SCAP: variants seen among roughly 807,000 people sequenced by gnomAD.
SCAP encodes SREBF chaperone.
A neutral mutation model predicts 123.6 loss-of-function variants in SCAP; 65 were observed. That is an observed-to-expected ratio of 0.53 (90% CI 0.43 to 0.65). SCAP has a LOEUF of 0.65. Among genes scored for constraint, SCAP ranks in the 30% least tolerant of loss-of-function variants. SCAP has a pLI of 0.00. For synonymous variants in SCAP, 740 were observed against 726.3 expected (o/e 1.02, Z -0.30); for missense variants, 1,398 against 1,712.5 (o/e 0.82, Z 3.24).
intron 1 of SCAP, among the ~76,000 whole-genome samples, chr3:47,464,013 T>C (rs1707739238): frequency 6.6e-6 from 1 of 152,038 alleles, no homozygotes; most frequent in African/African-American, 2.4e-5. Flanking sequence ...TTTTATTTTA[T>C]TTTTTAATAT....
At chr3:47,443,731 C>A (rs1389441813) in intron 1 of SCAP, among the ~76,000 whole-genome samples, 1 of 152,192 alleles carries the variant, frequency 6.6e-6, no homozygotes, top group Non-Finnish European at 1.5e-5. Context: ...GAGAGCAGCT[C>A]CTGTTCCTGC....
In SCAP at chr3:47,427,140, G is replaced by C. The variant is rs1335641530; in HGVS notation, c.737+17C>G. ...CCCAGCAGACCAGTCAAGAGCCCAG[G>C]GTACTGTCAATCTTACTTGGCATGG... On this transcript the variant is annotated intron_variant, in intron 6 of 22. Coordinates refer to ENST00000265565, the MANE Select transcript of SCAP (RefSeq NM_012235.4). 3 of 1,575,190 alleles carry C rather than the reference G, an allele frequency of 1.9e-6. No homozygotes were observed. The highest frequency in any genetic ancestry group is 2.6e-6 in the Non-Finnish European group (3 of 1,144,632).
At position 47,449,441 on chromosome 3, in the gene SCAP, A is replaced by G; in HGVS notation, c.-98-6350T>C. On this transcript the variant is annotated intron_variant, in intron 1 of 22. Transcript: ENST00000265565. ...AAGAACAAAATCAAGGATTCCCTCCATGCTCCTGGGACCACAGTCCCTTTA... is the reference window on the plus strand; with the variant it reads ...AAGAACAAAATCAAGGATTCCCTCCGTGCTCCTGGGACCACAGTCCCTTTA... 1.6e-5 allele frequency among the ~76,000 whole-genome samples: 2 copies of G among 124,594 alleles called. 1 individual carries two copies. The highest frequency in any genetic ancestry group is 3.5e-5 in the Non-Finnish European group (2 of 56,342). The allele number at this position is 124,594 out of a possible 152,430, so 81.7% of individuals were successfully genotyped here. A position where few individuals can be genotyped will look rare whatever the true frequency, so the allele number is the denominator to read the frequency against.
intron 1 of SCAP, among the ~76,000 whole-genome samples, chr3:47,453,076 G>A (rs1167867868): frequency 6.6e-6 from 1 of 152,080 alleles, no homozygotes; most frequent in Non-Finnish European, 1.5e-5. Context: ...AGCCTGGGCA[G>A]AAGAGCAAGG....
At chr3:47,422,145 G>C (rs1015128862) in intron 10 of SCAP, among the ~76,000 whole-genome samples, 6 of 152,256 alleles carry the variant, frequency 3.9e-5, no homozygotes, top group African/African-American at 1.4e-4. Context: ...GCCTCCTCCT[G>C]CCACTTGGCT....
chr3:47,468,306 C>A (rs1185787035), intron 1 of SCAP, among the ~76,000 whole-genome samples: 1 of 152,174 alleles, frequency 6.6e-6, no homozygotes, highest in African/African-American at 2.4e-5. Flanking sequence ...CTGTCTTCCA[C>A]AATGGTTGAA....
intron 1 of SCAP, among the ~76,000 whole-genome samples, chr3:47,463,243 C>T (rs1385513224): frequency 2.6e-5 from 4 of 152,184 alleles, no homozygotes; most frequent in South Asian, 4.1e-4. Flanking sequence ...AACAGTTTTA[C>T]CTCCAAGTCA....
At chr3:47,472,269 T>A (rs1401273316) in intron 1 of SCAP, among the ~76,000 whole-genome samples, 8 of 150,076 alleles carry the variant, frequency 5.3e-5, no homozygotes, top group Non-Finnish European at 1.2e-4. Flanking sequence ...CCGTCTCTAC[T>A]AAAAATACAA....
Position 47,439,145 on chromosome 3 carries a change from A to G in SCAP, c.122+3727T>C, listed in dbSNP as rs1706703171. 6.6e-6 allele frequency among the ~76,000 whole-genome samples: 1 copy of G among 152,172 alleles called. No individual in the cohort carries two copies. The highest frequency in any genetic ancestry group is 2.1e-4 in the South Asian group (1 of 4,828). On this transcript the variant is annotated intron_variant, in intron 2 of 22. Transcript: ENST00000265565. The surrounding 1 kb of genome is among the most constrained non-coding windows in gnomAD (Gnocchi z 4.0). ...ATGACTAGGCTGAGCAAGGTGGCTT[A>G]TGCCTATAATCCCAGGACTTTGGGA...
At chr3:47,446,528 G>T (rs898310140) in intron 1 of SCAP, among the ~76,000 whole-genome samples, 3 of 151,882 alleles carry the variant, frequency 2.0e-5, no homozygotes, top group African/African-American at 7.3e-5. Flanking sequence ...TGGGGTTTTT[G>T]TATTTTTTTT....
intron 1 of SCAP, among the ~76,000 whole-genome samples, chr3:47,460,389 G>A (rs1576309859): frequency 6.6e-6 from 1 of 152,164 alleles, no homozygotes; most frequent in African/African-American, 2.4e-5. Context: ...TTGAAGTAAA[G>A]ACAGGTGTAA....
In SCAP at chr3:47,420,672, G is replaced by A. The variant is rs764717980; in HGVS notation, c.1445C>T (p.Pro482Leu). The change falls in exon 12 of 23, where the codon CCG becomes CTG. Residue 482 changes from proline to leucine, a missense_variant. Coordinates refer to ENST00000265565, the MANE Select transcript of SCAP (RefSeq NM_012235.4). The surrounding 1 kb of genome is among the most constrained non-coding windows in gnomAD (Gnocchi z 5.0). Reference sequence around the variant, plus strand: ...CAACGTGATGGTGTGGGGTGTGGACGGCCTCACAGCCAGCTGCCGCTCGTA... The same window carrying A: ...CAACGTGATGGTGTGGGGTGTGGACAGCCTCACAGCCAGCTGCCGCTCGTA... ...TRYERQLAVR[P>L]STPHTITLQP... 4 of 1,611,696 alleles carry A rather than the reference G, an allele frequency of 2.5e-6. No homozygotes were observed. The highest frequency in any genetic ancestry group is 2.0e-4 in the Middle Eastern group (1 of 4,904).
At position 47,443,103 on chromosome 3, in the gene SCAP, G is replaced by A; in HGVS notation, c.-98-12C>T. On this transcript the variant is annotated splice_polypyrimidine_tract_variant and intron_variant, in intron 1 of 22. Coordinates refer to ENST00000265565, the MANE Select transcript of SCAP (RefSeq NM_012235.4). The stretch of plus-strand genomic sequence containing the variant: ...ACATGTGCAGGTACCTGGTAAGAAG[G>A]GAGAAAAGCCAGTTAACAAAGAGTA... 1 of 1,540,404 alleles carries A rather than the reference G, an allele frequency of 6.5e-7. No individual in the cohort carries two copies. The highest frequency in any genetic ancestry group is 8.8e-7 in the Non-Finnish European group (1 of 1,142,332).
At chr3:47,446,201 T>C (rs1161038048) in intron 1 of SCAP, among the ~76,000 whole-genome samples, 5 of 134,316 alleles carry the variant, frequency 3.7e-5, no homozygotes, top group Non-Finnish European at 7.9e-5. Context: ...TGAGATGGAG[T>C]CTCGCTCTGT....
intron 10 of SCAP, 149 bp downstream of exon 10, chr3:47,422,293 G>A (rs1190887943): frequency 1.9e-5 from 13 of 673,538 alleles, no homozygotes; most frequent in Non-Finnish European, 3.1e-5. Context: ...TCTGGGTGCT[G>A]TAGTGATCTG....
intron 1 of SCAP, among the ~76,000 whole-genome samples, chr3:47,458,487 C>A (rs190878097): frequency 5.8e-4 from 88 of 152,200 alleles, no homozygotes; most frequent in Non-Finnish European, 9.7e-4. Context: ...AGTTAATGAA[C>A]GAAAGCTGAT....
chr3:47,443,154 G>A lies in SCAP; in HGVS notation c.-98-63C>T, dbSNP rs571173882. 126 of 1,293,214 alleles carry A rather than the reference G, an allele frequency of 9.7e-5. No individual in the cohort carries two copies. The African/African-American group carries it at 1.7e-3, about 17-fold the overall frequency. The allele number at this position is 1,293,214 out of a possible 1,614,324, so 80.1% of individuals were successfully genotyped here. A position where few individuals can be genotyped will look rare whatever the true frequency, so the allele number is the denominator to read the frequency against. ...CTTGGCTCTGCACACTAGGGCTGCT[G>A]GAGGGAGGCGATAGTTATGTGGCTG... is the stretch of plus-strand genomic sequence containing the variant. On this transcript the variant is annotated intron_variant, in intron 1 of 22. Transcript: ENST00000265565.
intron 14 of SCAP, 42 bp downstream of exon 14, chr3:47,418,613 T>G: frequency 4.0e-6 from 3 of 749,120 alleles, no homozygotes; most frequent in Non-Finnish European, 5.3e-6. Context: ...CCCGTCCCCC[T>G]CCCCGCACTC....
intron 1 of SCAP, chr3:47,469,784 T>C: frequency 3.7e-6 from 2 of 534,200 alleles, no homozygotes; most frequent in Non-Finnish European, 7.3e-6. Context: ...CTTATATTCA[T>C]TGCTCAACAA....
Sources: gnomAD v4.1 joint callset for allele counts (sites outside exome capture counted in the v4.1 genomes callset) on GRCh38, gnomAD v4.1.1 for gene constraint, Gnocchi (gnomAD v3.1) non-coding constraint, MANE v1.5 for transcripts, NCBI Gene and HGNC (gene_info 2026-07-23, HGNC 2026-07-21) for gene names.